Variants in ITGA9 observed in about 807,000 individuals in gnomAD.
ITGA9 encodes integrin subunit alpha 9.
ITGA9 carries 56 observed loss-of-function variants against 127.8 expected under a neutral mutation model. The ratio of observed to expected loss-of-function variants is 0.44; its 90% CI spans 0.35 to 0.55. The LOEUF is 0.55. ITGA9 is among the 20% of genes least tolerant of loss of function. The probability of loss-of-function intolerance (pLI) is 0.00; values close to 1 mark genes in which losing one functional copy is unlikely to be tolerated. For synonymous variants in ITGA9, 508 were observed against 514.5 expected, an observed-to-expected ratio of 0.99 and a Z score of 0.17; for missense variants, 1,196 against 1,347.1, an observed-to-expected ratio of 0.89 and a Z score of 1.76.
chr3:37,598,879 C>A (rs1439496545), intron 15 of ITGA9, among the ~76,000 whole-genome samples: 1 of 152,132 alleles, frequency 6.6e-6, no homozygotes, highest in Non-Finnish European at 1.5e-5. Flanking sequence ...TTTAAAGGAT[C>A]CGTGGGTTTG....
chr3:37,531,151 A>G (rs1340684020), intron 13 of ITGA9, among the ~76,000 whole-genome samples: 2 of 152,008 alleles, frequency 1.3e-5, no homozygotes, highest in African/African-American at 4.8e-5. Context: ...ATTTGTAGGC[A>G]GGACTGTGAG....
chr3:37,629,000 A>G (rs1700203018), intron 15 of ITGA9, among the ~76,000 whole-genome samples, 187 bp from the exon 16 acceptor site: 1 of 152,188 alleles, frequency 6.6e-6, no homozygotes, highest in South Asian at 2.1e-4. Context: ...ACCTTGGACA[A>G]GACACTAGCT....
intron 14 of ITGA9, among the ~76,000 whole-genome samples, chr3:37,537,007 TGGGACCCA>T (rs1376218471): frequency 6.6e-6 from 1 of 152,194 alleles, no homozygotes; most frequent in Admixed American, 6.5e-5. Context: ...ACTCTGAAGG[TGGGACCCA>T]CATCTGTGTT....
chr3:37,581,719 C>G (rs572030949), intron 15 of ITGA9, among the ~76,000 whole-genome samples: 1 of 152,210 alleles, frequency 6.6e-6, no homozygotes, highest in Non-Finnish European at 1.5e-5. Context: ...ACTTCGGTGC[C>G]CTCCCTGCAG....
Position 37,814,733 on chromosome 3 carries a change from C to T in ITGA9, c.3010-4158C>T, listed in dbSNP as rs1349950140. On this transcript the variant is annotated intron_variant, in intron 27 of 27. Coordinates refer to ENST00000264741, the MANE Select transcript of ITGA9 (RefSeq NM_002207.3). The surrounding 1 kb of genome is among the most constrained non-coding windows in gnomAD (Gnocchi z 4.3). The stretch of plus-strand genomic sequence containing the variant: ...GATTTTATGAGAACAAGACACTCTA[C>T]TGCCATCTGTTGGAAAACAGTTATA... Among the ~76,000 whole-genome samples the T allele has an allele frequency of 6.6e-6, 1 of 152,344 alleles. No individual in the cohort carries two copies. The highest frequency in any genetic ancestry group is 2.1e-4 in the South Asian group (1 of 4,832).
chr3:37,707,850 G>T (rs1258554747), intron 18 of ITGA9, among the ~76,000 whole-genome samples: 1 of 152,154 alleles, frequency 6.6e-6, no homozygotes, highest in Admixed American at 6.5e-5. Flanking sequence ...GTGTGGACAG[G>T]CAAGGGCTGC....
chr3:37,639,568 T>C (rs761780556), intron 16 of ITGA9, among the ~76,000 whole-genome samples: 1 of 152,074 alleles, frequency 6.6e-6, no homozygotes, highest in Non-Finnish European at 1.5e-5. Context: ...GATTCAGTCA[T>C]GCAGTCTGAA....
At chr3:37,471,248 C>T (rs1343493475) in intron 2 of ITGA9, 114 bp downstream of exon 2, 1 of 1,143,156 alleles carries the variant, frequency 8.7e-7, no homozygotes, top group Admixed American at 1.7e-5. Flanking sequence ...CCCTCCTTCC[C>T]TCCCTCCTTC....
At chr3:37,733,057 G>GTGT (rs1696314194) in intron 19 of ITGA9, 2 of 489,594 alleles carry the variant, frequency 4.1e-6, no homozygotes, top group South Asian at 4.1e-5. Context: ...ACACACCACA[G>GTGT]CCTCTGCACT....
intron 2 of ITGA9, among the ~76,000 whole-genome samples, chr3:37,472,631 A>G (rs779314443): frequency 3.9e-5 from 6 of 152,064 alleles, no homozygotes; most frequent in Non-Finnish European, 5.9e-5. Context: ...TCTGGCCTCA[A>G]GTGAACCGCC....
At chr3:37,527,086 A>G (rs779271590) in intron 13 of ITGA9, among the ~76,000 whole-genome samples, 1 of 152,248 alleles carries the variant, frequency 6.6e-6, no homozygotes, top group Non-Finnish European at 1.5e-5. Flanking sequence ...TTCCTGGGCA[A>G]GTCCCCTGAC....
chr3:37,521,057 T>A (rs1398462994), intron 11 of ITGA9, among the ~76,000 whole-genome samples: 1 of 152,166 alleles, frequency 6.6e-6, no homozygotes, highest in Non-Finnish European at 1.5e-5. Flanking sequence ...TGGACCAGCC[T>A]GCCTTTGTCA....
chr3:37,504,021 T>C (rs987905554), intron 6 of ITGA9, among the ~76,000 whole-genome samples: 2 of 152,246 alleles, frequency 1.3e-5, no homozygotes, highest in African/African-American at 2.4e-5. Context: ...CAATGCTCTT[T>C]CGCACTCATG....
At chr3:37,664,971 CTTTT>C (rs34608197) in intron 17 of ITGA9, among the ~76,000 whole-genome samples, 2 of 122,544 alleles carry the variant, frequency 1.6e-5, no homozygotes, top group African/African-American at 3.1e-5. Flanking sequence ...GAGTAGCTGG[CTTTT>C]TTTTTTTTTT....
At chr3:37,614,246 G>C (rs1419988563) in intron 15 of ITGA9, among the ~76,000 whole-genome samples, 4 of 151,952 alleles carry the variant, frequency 2.6e-5, no homozygotes, top group Non-Finnish European at 4.4e-5. Context: ...GCTTGTTTTC[G>C]TCAGGTTTGT....
chr3:37,580,731 A>G (rs796494611), intron 15 of ITGA9, among the ~76,000 whole-genome samples: 4 of 152,084 alleles, frequency 2.6e-5, no homozygotes, highest in African/African-American at 9.6e-5. Flanking sequence ...AAATCAACTC[A>G]GGTCTGACCT....
intron 1 of ITGA9, among the ~76,000 whole-genome samples, chr3:37,456,160 G>A (rs921039525): frequency 2.6e-5 from 4 of 152,280 alleles, no homozygotes; most frequent in South Asian, 2.1e-4. Context: ...TGTGCTCTGG[G>A]CAGTGAGAAC....
intron 18 of ITGA9, among the ~76,000 whole-genome samples, chr3:37,707,612 C>G (rs1701021427): frequency 6.6e-6 from 1 of 152,182 alleles, no homozygotes. Flanking sequence ...TCAGGATCAC[C>G]TGTGCACATT....
At chr3:37,810,275 C>T (rs1243714856) in intron 27 of ITGA9, among the ~76,000 whole-genome samples, 1 of 152,226 alleles carries the variant, frequency 6.6e-6, no homozygotes, top group African/African-American at 2.4e-5. Context: ...GCATTCACAG[C>T]ACCACACAAG....
Sources: gnomAD v4.1 joint callset for allele counts (sites outside exome capture counted in the v4.1 genomes callset) on GRCh38, gnomAD v4.1.1 for gene constraint, Gnocchi (gnomAD v3.1) non-coding constraint, MANE v1.5 for transcripts, NCBI Gene and HGNC (gene_info 2026-07-23, HGNC 2026-07-21) for gene names.